The following ATP6V1H variants were observed in gnomAD, a reference collection of about 807,000 sequenced individuals.
The protein encoded by ATP6V1H is ATPase H+ transporting V1 subunit H, also known as V-type proton ATPase subunit H.
ATP6V1H carries 39 observed loss-of-function variants against 71.7 expected under a neutral mutation model. The observed-to-expected ratio is 0.54, with a 90% confidence interval of 0.42 to 0.71. The LOEUF is 0.71. ATP6V1H is among the 30% of genes least tolerant of loss of function. The probability of loss-of-function intolerance (pLI) is 0.00; values close to 1 mark genes in which losing one functional copy is unlikely to be tolerated. For synonymous variants in ATP6V1H, 192 were observed against 199.3 expected, an observed-to-expected ratio of 0.96 and a Z score of 0.31; for missense variants, 509 against 594.9, an observed-to-expected ratio of 0.86 and a Z score of 1.50.
At chr8:53,800,966 A>G (rs1418795571) in intron 8 of ATP6V1H, among the ~76,000 whole-genome samples, 2 of 152,232 alleles carry the variant, frequency 1.3e-5, no homozygotes, top group Non-Finnish European at 2.9e-5. Flanking sequence ...TTAATAGAAA[A>G]ATAATTAGTA....
intron 12 of ATP6V1H, among the ~76,000 whole-genome samples, chr8:53,746,751 T>C (rs1374867771): frequency 2.0e-5 from 3 of 152,068 alleles, no homozygotes; most frequent in African/African-American, 7.2e-5. Context: ...ATTATACAAA[T>C]GCCCAATATC....
At chr8:53,718,196 T>C (rs1333708725) in intron 13 of ATP6V1H, among the ~76,000 whole-genome samples, 4 of 152,258 alleles carry the variant, frequency 2.6e-5, no homozygotes, top group Middle Eastern at 6.8e-3. Flanking sequence ...TGAAGATAAT[T>C]GATTTCTTCA....
chr8:53,780,484 A>G (rs1042572459), intron 9 of ATP6V1H, among the ~76,000 whole-genome samples: 6 of 152,194 alleles, frequency 3.9e-5, no homozygotes, highest in Non-Finnish European at 7.3e-5. Context: ...GAAATAATCT[A>G]CTTAATGTGG....
At chr8:53,816,844 T>C (rs925550188) in intron 5 of ATP6V1H, among the ~76,000 whole-genome samples, 2 of 152,130 alleles carry the variant, frequency 1.3e-5, no homozygotes, top group Non-Finnish European at 2.9e-5. Flanking sequence ...ATCAGGTAAC[T>C]ACTTAAAATA....
At chr8:53,782,651 C>G (rs902769984) in intron 9 of ATP6V1H, among the ~76,000 whole-genome samples, 1 of 152,076 alleles carries the variant, frequency 6.6e-6, no homozygotes, top group Non-Finnish European at 1.5e-5. Flanking sequence ...CAGTTTTTGC[C>G]CATTCAGTAT....
intron 9 of ATP6V1H, among the ~76,000 whole-genome samples, chr8:53,774,096 G>A (rs944756887): frequency 2.0e-5 from 3 of 152,162 alleles, no homozygotes; most frequent in Non-Finnish European, 4.4e-5. Context: ...AGAGAATGGG[G>A]CTGATATTTT....
At chr8:53,804,690 C>T (rs1228309486) in intron 7 of ATP6V1H, among the ~76,000 whole-genome samples, 1 of 152,054 alleles carries the variant, frequency 6.6e-6, no homozygotes, top group African/African-American at 2.4e-5. Context: ...AAGAAAATAG[C>T]GAGTTAATCT....
chr8:53,811,159 C>G lies in ATP6V1H; in HGVS notation c.579+5G>C, dbSNP rs779708921. On this transcript the variant is annotated splice_donor_5th_base_variant and intron_variant, in intron 7 of 13. Coordinates refer to ENST00000359530, the MANE Select transcript of ATP6V1H (RefSeq NM_015941.4). The stretch of plus-strand genomic sequence containing the variant: ...ATGTTTAGGCCAGTGAAGGAATATA[C>G]TTACATCACTTGAAGAGACTGTTCC... The G allele has an allele frequency of 6.2e-7, 1 of 1,611,560 alleles. No homozygotes were observed. The highest frequency in any genetic ancestry group is 8.5e-7 in the Non-Finnish European group (1 of 1,177,992).
rs553175758 is a variant in ATP6V1H at position 53,715,682 on chromosome 8, A to G, written c.*282T>C. On this transcript the variant is annotated 3_prime_UTR_variant, in exon 14 of 14. Transcript: ENST00000359530. Reference sequence around the variant, plus strand: ...GAGAGAGGCCATGTTTGGAGTGAGAATCCTTTAATAACTATATTTATTTCC... The same window carrying G: ...GAGAGAGGCCATGTTTGGAGTGAGAGTCCTTTAATAACTATATTTATTTCC... The G allele has an allele frequency of 2.2e-5, 7 of 311,426 alleles. No individual in the cohort carries two copies. The South Asian group carries it at 6.1e-4, about 27-fold the overall frequency. The allele number at this position is 311,426 out of a possible 1,614,324, so 19.3% of individuals were successfully genotyped here.
chr8:53,750,309 G>A (rs1807747330), intron 12 of ATP6V1H, among the ~76,000 whole-genome samples: 1 of 152,130 alleles, frequency 6.6e-6, no homozygotes. Flanking sequence ...TAAAACAAGA[G>A]TGAAAAGGGT....
intron 12 of ATP6V1H, among the ~76,000 whole-genome samples, chr8:53,755,056 T>C (rs1374858306): frequency 6.6e-6 from 1 of 152,170 alleles, no homozygotes; most frequent in Non-Finnish European, 1.5e-5. Flanking sequence ...GGAGTGGCCA[T>C]GGTATAGCAG....
chr8:53,823,032 G>A (rs528157792), intron 4 of ATP6V1H, among the ~76,000 whole-genome samples: 1 of 151,792 alleles, frequency 6.6e-6, no homozygotes, highest in East Asian at 1.9e-4. Flanking sequence ...ATTTATAAGG[G>A]GGAGACGTTT....
At chr8:53,827,635 G>C (rs1482218015) in intron 4 of ATP6V1H, among the ~76,000 whole-genome samples, 1 of 151,812 alleles carries the variant, frequency 6.6e-6, no homozygotes. Flanking sequence ...TAGGTTCAGG[G>C]GTACATGTGC....
In ATP6V1H at chr8:53,749,547, G is replaced by A. The variant is rs192492946; in HGVS notation, c.1278-5857C>T. The stretch of plus-strand genomic sequence containing the variant: ...GCTATCCCTGCTTCCCCAGTCTCTC[G>A]TTCCTGCTGGAGGTCTGGGGTAGCT... On this transcript the variant is annotated intron_variant, in intron 12 of 13. Transcript: ENST00000359530. Among the ~76,000 whole-genome samples the A allele has an allele frequency of 7.3e-4, 111 of 152,182 alleles. 1 individual carries two copies. In the East Asian group the frequency reaches 8.5e-3, roughly 12 times the overall value.
intron 9 of ATP6V1H, 135 bp downstream of exon 9, chr8:53,795,512 C>T: frequency 1.3e-6 from 1 of 762,850 alleles, no homozygotes; most frequent in Non-Finnish European, 2.1e-6. Context: ...TGATATTTTA[C>T]TCTATATTCA....
chr8:53,746,267 CTT>C (rs562243257), intron 12 of ATP6V1H, among the ~76,000 whole-genome samples: 28 of 143,116 alleles, frequency 2.0e-4, no homozygotes, highest in East Asian at 4.0e-4. Context: ...ATGTTTATTT[CTT>C]TTTTTTTTTT....
intron 7 of ATP6V1H, among the ~76,000 whole-genome samples, chr8:53,810,608 C>T (rs147028238): frequency 7.6e-4 from 116 of 152,100 alleles, no homozygotes; most frequent in African/African-American, 2.6e-3. Context: ...GGTGTGGTGG[C>T]GGGCGCTTGT....
At chr8:53,740,853 T>C (rs775231026) in intron 13 of ATP6V1H, among the ~76,000 whole-genome samples, 3 of 152,216 alleles carry the variant, frequency 2.0e-5, no homozygotes, top group Non-Finnish European at 4.4e-5. Context: ...AATAAATTAT[T>C]ACTTGAGCAA....
intron 4 of ATP6V1H, among the ~76,000 whole-genome samples, chr8:53,818,607 T>C (rs1585822429): frequency 6.6e-6 from 1 of 152,176 alleles, no homozygotes; most frequent in East Asian, 1.9e-4. Flanking sequence ...TTGGTAGAGG[T>C]ATCCAGGTTA....
Sources: gnomAD v4.1 joint callset for allele counts (sites outside exome capture counted in the v4.1 genomes callset) on GRCh38, gnomAD v4.1.1 for gene constraint, MANE v1.5 for transcripts, NCBI Gene and HGNC (gene_info 2026-07-23, HGNC 2026-07-21) for gene names.